Variants in SLFN12L observed in about 807,000 individuals in gnomAD.
The protein encoded by SLFN12L is schlafen family member 12 like.
A neutral mutation model predicts 34.8 loss-of-function variants in SLFN12L; 34 were observed. That is an observed-to-expected ratio of 0.98 (90% CI 0.74 to 1.30). The LOEUF (loss-of-function observed/expected upper bound fraction) is 1.30, where lower values mean the gene tolerates loss of function less well. Among genes scored for constraint, SLFN12L ranks in the 50% most tolerant of loss-of-function variants. The probability of loss-of-function intolerance (pLI) is 0.00; values close to 1 mark genes in which losing one functional copy is unlikely to be tolerated. For synonymous variants in SLFN12L, 259 were observed against 247.5 expected, an observed-to-expected ratio of 1.05 and a Z score of -0.44; for missense variants, 703 against 696.2, an observed-to-expected ratio of 1.01 and a Z score of -0.11.
intron 2 of SLFN12L, among the ~76,000 whole-genome samples, chr17:35,511,994 G>T (rs560246537): frequency 6.6e-6 from 1 of 152,260 alleles, no homozygotes; most frequent in Admixed American, 6.5e-5. Context: ...ACTGAAATCT[G>T]GGTTTTGTTA....
intron 2 of SLFN12L, among the ~76,000 whole-genome samples, chr17:35,495,192 G>A (rs997901433): frequency 2.6e-5 from 4 of 152,040 alleles, no homozygotes; most frequent in African/African-American, 7.2e-5. Context: ...GAGCCACCAC[G>A]CCTGGCCGCA....
chr17:35,498,147 C>T (rs1388950949), intron 2 of SLFN12L: 2 of 603,782 alleles, frequency 3.3e-6, no homozygotes, highest in African/African-American at 3.7e-5. Flanking sequence ...GCAGAGACGA[C>T]GGAGGCGGAA....
chr17:35,531,252 T>C (rs2072408233), intron 1 of SLFN12L, among the ~76,000 whole-genome samples: 1 of 152,252 alleles, frequency 6.6e-6, no homozygotes, highest in Non-Finnish European at 1.5e-5. Flanking sequence ...ACTAGCACTT[T>C]TATTTTTTTC....
In SLFN12L at chr17:35,469,337, T is replaced by TTATATA. The variant is rs1913769465; in HGVS notation, c.*5585_*5586insTATATA. 5.7e-5 allele frequency among the ~76,000 whole-genome samples: 6 copies of TTATATA among 104,494 alleles called. No homozygotes were observed. The highest frequency in any genetic ancestry group is 1.7e-4 in the African/African-American group (5 of 28,586). 68.6% of individuals were successfully genotyped at this position (104,494 alleles called of 152,430 possible). A position where few individuals can be genotyped will look rare whatever the true frequency, so the allele number is the denominator to read the frequency against. ...TATATTATATATATAAATATATATATAATATATATATATATGTATTTCAAA... is the reference window on the plus strand; with the variant it reads ...TATATTATATATATAAATATATATATTATATAAATATATATATATATGTATTTCAAA... On this transcript the variant is annotated 3_prime_UTR_variant, in exon 5 of 5. Transcript: ENST00000628453.
At chr17:35,525,482 C>T (rs375663558) in intron 1 of SLFN12L, among the ~76,000 whole-genome samples, 32 of 152,252 alleles carry the variant, frequency 2.1e-4, no homozygotes, top group African/African-American at 6.7e-4. Context: ...TACCCACAAA[C>T]GGAAGCCCAT....
Position 35,530,430 on chromosome 17 carries a change from G to GAAA in SLFN12L, c.-606+7142_-606+7143insTTT, listed in dbSNP as rs1567693901. ...GGAAGGAAGGAAGGAAGGAAGGAAG[G>GAAA]GAAGGGAAGGGAAGAAAGAAAGAAA... On this transcript the variant is annotated intron_variant, in intron 1 of 4. Coordinates refer to ENST00000628453, the MANE Select transcript of SLFN12L (RefSeq NM_001363830.2). Among the ~76,000 whole-genome samples, 22 of 9,126 alleles carry GAAA rather than the reference G, an allele frequency of 2.4e-3. 1 individual carries two copies. Among genetic ancestry groups the GAAA allele is most frequent in the East Asian group, 0.019 (5 of 264 alleles). The allele number at this position is 9,126 out of a possible 152,430, so 6.0% of individuals were successfully genotyped here.
chr17:35,521,929 G>A lies in SLFN12L; in HGVS notation c.86+350C>T, dbSNP rs572663830. 9.9e-5 allele frequency among the ~76,000 whole-genome samples: 15 copies of A among 151,622 alleles called. No homozygotes were observed. In the South Asian group the frequency reaches 3.2e-3, roughly 32 times the overall value. ...TCTTTAGCTAAAAAAGGTAGAAAATGGACACAGGAAAGGGAACATCACACA... is the reference window on the plus strand; with the variant it reads ...TCTTTAGCTAAAAAAGGTAGAAAATAGACACAGGAAAGGGAACATCACACA... On this transcript the variant is annotated intron_variant, in intron 2 of 4. Coordinates refer to ENST00000628453, the MANE Select transcript of SLFN12L (RefSeq NM_001363830.2).
At chr17:35,475,611 T>C in intron 4 of SLFN12L, 126 bp from the exon 5 acceptor site, 3 of 1,395,318 alleles carry the variant, frequency 2.2e-6, no homozygotes, top group Non-Finnish European at 1.9e-6. Context: ...TGTAAAAGTG[T>C]ATCAGGGCCA....
At chr17:35,515,002 C>T (rs538217722) in intron 2 of SLFN12L, 108 of 498,180 alleles carry the variant, frequency 2.2e-4, no homozygotes, top group African/African-American at 1.9e-3. Flanking sequence ...ACAGCTTCAG[C>T]ATCTTTAAGG....
At chr17:35,482,068 G>A (rs1263199196) in intron 2 of SLFN12L, among the ~76,000 whole-genome samples, 1 of 152,116 alleles carries the variant, frequency 6.6e-6, no homozygotes, top group Non-Finnish European at 1.5e-5. Flanking sequence ...CACCATGTTG[G>A]CCAGGCTGGT....
chr17:35,518,547 T>C (rs1365691502), intron 2 of SLFN12L, among the ~76,000 whole-genome samples: 1 of 55,102 alleles, frequency 1.8e-5, no homozygotes, highest in Non-Finnish European at 4.2e-5. Context: ...TGAGACTGTA[T>C]TTAAAAAAAA....
intron 2 of SLFN12L, among the ~76,000 whole-genome samples, chr17:35,508,712 ACT>A (rs1346675516): frequency 1.3e-5 from 2 of 151,938 alleles, no homozygotes; most frequent in African/African-American, 4.8e-5. Flanking sequence ...GAATTTTCAA[ACT>A]TCTCTTTTCC....
At position 35,530,217 on chromosome 17, in the gene SLFN12L, G is replaced by C. The variant is rs1005844773; in HGVS notation, c.-605-7248C>G. On this transcript the variant is annotated intron_variant, in intron 1 of 4. Coordinates refer to ENST00000628453, the MANE Select transcript of SLFN12L (RefSeq NM_001363830.2). ...AAAAAATTAGTCAGGCGTGGTGGCA[G>C]GCACCTGTAGTCCTAGCTACTCGGG... Among the ~76,000 whole-genome samples the C allele has an allele frequency of 1.2e-3, 174 of 147,940 alleles. 1 individual carries two copies. Among genetic ancestry groups the C allele is most frequent in the Non-Finnish European group, 4.0e-4 (27 of 67,094 alleles).
rs1472817297 is a variant in SLFN12L at position 35,468,156 on chromosome 17, C to T, written c.*6767G>A. On this transcript the variant is annotated 3_prime_UTR_variant, in exon 5 of 5. Transcript: ENST00000628453. ...GAATGCCTGAGCTCAAGCAATGCAC[C>T]TGCTTTGGCCTCTCAAAGTGCTGGG... Among the ~76,000 whole-genome samples the T allele has an allele frequency of 6.6e-6, 1 of 152,166 alleles. No individual in the cohort carries two copies. Among genetic ancestry groups the T allele is most frequent in the Non-Finnish European group, 1.5e-5 (1 of 68,026 alleles).
intron 2 of SLFN12L, among the ~76,000 whole-genome samples, chr17:35,494,936 C>T (rs531481722): frequency 6.6e-6 from 1 of 150,950 alleles, no homozygotes; most frequent in Non-Finnish European, 1.5e-5. Flanking sequence ...GACAGGGTCT[C>T]CCTTTGTCAC....
intron 1 of SLFN12L, among the ~76,000 whole-genome samples, chr17:35,530,236 A>G (rs892794158): frequency 6.8e-6 from 1 of 147,620 alleles, no homozygotes; most frequent in South Asian, 2.2e-4. Flanking sequence ...AGTCCTAGCT[A>G]CTCGGGAGGC....
In SLFN12L at chr17:35,530,358, AAAGAAAGG is replaced by A. The variant is rs1434087673; in HGVS notation, c.-606+7207_-606+7214del. 2.3e-4 allele frequency among the ~76,000 whole-genome samples: 25 copies of A among 107,374 alleles called. 1 individual carries two copies. The highest frequency in any genetic ancestry group is 6.7e-4 in the African/African-American group (19 of 28,204). The allele number at this position is 107,374 out of a possible 152,430, so 70.4% of individuals were successfully genotyped here. ...GAGACTCTGTCAGAAAAAAAAAGAG[AAAGAAAGG>A]AAGGAAGGAAGGAAGGAAGGAAGGA... On this transcript the variant is annotated intron_variant, in intron 1 of 4. Coordinates refer to ENST00000628453, the MANE Select transcript of SLFN12L (RefSeq NM_001363830.2).
intron 1 of SLFN12L, among the ~76,000 whole-genome samples, chr17:35,528,920 G>A (rs1335787037): frequency 6.6e-6 from 1 of 151,928 alleles, no homozygotes; most frequent in Non-Finnish European, 1.5e-5. Context: ...TACAGCATGG[G>A]AAAAAATTTT....
At chr17:35,475,950 T>C (rs970764744) in intron 4 of SLFN12L, among the ~76,000 whole-genome samples, 7 of 148,790 alleles carry the variant, frequency 4.7e-5, no homozygotes, top group African/African-American at 1.7e-4. Context: ...TATATGTATA[T>C]ATATATATCA....
Sources: gnomAD v4.1 joint callset for allele counts (sites outside exome capture counted in the v4.1 genomes callset) on GRCh38, gnomAD v4.1.1 for gene constraint, MANE v1.5 for transcripts, NCBI Gene and HGNC (gene_info 2026-07-23, HGNC 2026-07-21) for gene names.